Variants in GLS observed in about 807,000 individuals in gnomAD.
GLS encodes the protein glutaminase, also known as glutaminase kidney isoform, mitochondrial.
Under a neutral mutation model 86.7 loss-of-function variants are expected in GLS, and 36 were observed. The ratio of observed to expected loss-of-function variants is 0.42; its 90% CI spans 0.32 to 0.55. The LOEUF is 0.55. Among genes scored for constraint, GLS ranks in the 20% least tolerant of loss-of-function variants. GLS has a pLI of 0.17. For missense variants in GLS, 528 were observed against 833.4 expected, an observed-to-expected ratio of 0.63 and a Z score of 4.51; for synonymous variants, 317 against 305.9, an observed-to-expected ratio of 1.04 and a Z score of -0.38.
chr2:190,901,205 C>T (rs191309474), intron 4 of GLS, among the ~76,000 whole-genome samples: 1 of 152,170 alleles, frequency 6.6e-6, no homozygotes, highest in Admixed American at 6.5e-5. Context: ...TCCCTTAAAA[C>T]TTAACTACTT....
intron 17 of GLS, among the ~76,000 whole-genome samples, chr2:190,959,239 CCTG>C (rs1314026960): frequency 1.4e-5 from 2 of 147,728 alleles, no homozygotes; most frequent in Non-Finnish European, 2.9e-5. Context: ...CATTGCAACC[CCTG>C]CTTTTTTTTT....
chr2:190,933,263 TAAAACTA>T, intron 14 of GLS: 2 of 910,654 alleles, frequency 2.2e-6, no homozygotes, highest in African/African-American at 3.6e-5. Context: ...TTTCCATTTT[TAAAACTA>T]ATGTGATGTC....
In GLS at chr2:190,930,238, T is replaced by C. The variant is rs1029213444; in HGVS notation, c.1426-199T>C. On this transcript the variant is annotated intron_variant, in intron 12 of 17. Transcript: ENST00000320717. The surrounding 1 kb of genome is among the most constrained non-coding windows in gnomAD (Gnocchi z 5.0). The stretch of plus-strand genomic sequence containing the variant: ...TGCACTTCCATGTCTCACTGTTTTT[T>C]GTAGAGACGAGATCTCCCTGTGTTA... Among the ~76,000 whole-genome samples, 1 of 152,000 alleles carries C rather than the reference T, an allele frequency of 6.6e-6. No homozygotes were observed. The highest frequency in any genetic ancestry group is 6.6e-5 in the Admixed American group (1 of 15,250).
intron 13 of GLS, 95 bp from the exon 14 acceptor site, chr2:190,931,450 A>C: frequency 1.8e-6 from 1 of 547,128 alleles, no homozygotes; most frequent in Non-Finnish European, 3.3e-6. Flanking sequence ...GATGATTTCT[A>C]GGCTGGACGA....
intron 1 of GLS, among the ~76,000 whole-genome samples, chr2:190,894,891 T>C (rs1028757670): frequency 5.3e-5 from 8 of 152,236 alleles, no homozygotes; most frequent in Non-Finnish European, 1.2e-4. Context: ...GGCTGGGCAT[T>C]AGCACAACTA....
intron 14 of GLS, among the ~76,000 whole-genome samples, chr2:190,941,993 C>T (rs984212169): frequency 7.0e-6 from 1 of 143,468 alleles, no homozygotes; most frequent in African/African-American, 2.5e-5. Context: ...GTTTGGGAGA[C>T]ATTTCTGAAA....
chr2:190,914,477 A>G lies in GLS; in HGVS notation c.1038+4156A>G, dbSNP rs982675860. Among the ~76,000 whole-genome samples the G allele has an allele frequency of 4.0e-5, 6 of 151,454 alleles. No homozygotes were observed. Among genetic ancestry groups the G allele is most frequent in the Non-Finnish European group, 7.4e-5 (5 of 67,856 alleles). On this transcript the variant is annotated intron_variant, in intron 7 of 17. Coordinates refer to ENST00000320717, the MANE Select transcript of GLS (RefSeq NM_014905.5). This position sits in a 1 kb window ranked among gnomAD's most constrained non-coding sequence, Gnocchi z 4.4. ...GTAGAGCATTTATTGTCAACTGAAAATTGTTCTGTTACTTTATTTTTAGGG... is the reference window on the plus strand; with the variant it reads ...GTAGAGCATTTATTGTCAACTGAAAGTTGTTCTGTTACTTTATTTTTAGGG...
intron 1 of GLS, among the ~76,000 whole-genome samples, chr2:190,884,662 T>A (rs1688314951): frequency 6.6e-6 from 1 of 152,220 alleles, no homozygotes; most frequent in African/African-American, 2.4e-5. Flanking sequence ...TATTAAGTTT[T>A]TTTATTTGGA....
intron 17 of GLS, among the ~76,000 whole-genome samples, chr2:190,959,590 G>T (rs1212528537): frequency 6.6e-6 from 1 of 152,048 alleles, no homozygotes; most frequent in Non-Finnish European, 1.5e-5. Context: ...ACCCAGGGTA[G>T]ACAAGACAAA....
intron 17 of GLS, among the ~76,000 whole-genome samples, chr2:190,961,562 G>A (rs1171432576): frequency 2.0e-5 from 3 of 152,056 alleles, no homozygotes; most frequent in Admixed American, 6.6e-5. Context: ...AAGGTAACAC[G>A]CAGTTGACAT....
In GLS at chr2:190,924,489, C is replaced by T. The variant is rs551603720; in HGVS notation, c.1198-54C>T. ...TTGAAATTTTTCATATATTTCTCTA[C>T]TTATGTGCATTCCTGTGTGCCTGAA... is the stretch of plus-strand genomic sequence containing the variant. On this transcript the variant is annotated intron_variant, in intron 10 of 17. Coordinates refer to ENST00000320717, the MANE Select transcript of GLS (RefSeq NM_014905.5). This position sits in a 1 kb window ranked among gnomAD's most constrained non-coding sequence, Gnocchi z 5.2. The T allele has an allele frequency of 1.1e-5, 10 of 887,416 alleles. No homozygotes were observed. The highest frequency in any genetic ancestry group is 3.4e-5 in the Admixed American group (2 of 57,976). The allele number at this position is 887,416 out of a possible 1,614,324, so 55.0% of individuals were successfully genotyped here.
chr2:190,915,368 T>C (rs774335862), intron 7 of GLS, among the ~76,000 whole-genome samples: 52 of 152,280 alleles, frequency 3.4e-4, no homozygotes, highest in Admixed American at 1.5e-3. Context: ...GGGTTTGTTT[T>C]TTAAAAATCA....
chr2:190,939,034 T>C (rs1289916324), intron 14 of GLS, among the ~76,000 whole-genome samples: 1 of 151,684 alleles, frequency 6.6e-6, no homozygotes, highest in African/African-American at 2.4e-5. Context: ...TTTAAATAAA[T>C]AGAAGACTAG....
rs561368728 is a variant in GLS, at chr2:190,942,274, G to T, written c.1650+10637G>T. 5.1e-4 allele frequency among the ~76,000 whole-genome samples: 77 copies of T among 151,636 alleles called. 1 individual carries two copies. The South Asian group carries it at 0.016, about 31-fold the overall frequency. On this transcript the variant is annotated intron_variant, in intron 14 of 17. Transcript: ENST00000320717. ...TTTTGTATTTTTTAGTAGAGACGGG[G>T]TTTCACCATGTTAGCCAAGATGGTC...
chr2:190,885,942 A>G (rs960271284), intron 1 of GLS, among the ~76,000 whole-genome samples: 9 of 151,420 alleles, frequency 5.9e-5, no homozygotes, highest in Non-Finnish European at 1.0e-4. Context: ...GTGTGATCTC[A>G]GCTCAATGCA....
Position 190,947,165 on chromosome 2 carries a change from A to T in GLS, c.1651-6400A>T, listed in dbSNP as rs1690596546. Among the ~76,000 whole-genome samples the T allele has an allele frequency of 6.6e-6, 1 of 152,206 alleles. No homozygotes were observed. Among genetic ancestry groups the T allele is most frequent in the South Asian group, 2.1e-4 (1 of 4,830 alleles). Reference sequence around the variant, plus strand: ...TTAGGGCATTTACAGAAGTCACACAACTCAACCTTTAAACAAGCTCAAACT... The same window carrying T: ...TTAGGGCATTTACAGAAGTCACACATCTCAACCTTTAAACAAGCTCAAACT... On this transcript the variant is annotated intron_variant, in intron 14 of 17. Transcript: ENST00000320717. This position sits in a 1 kb window ranked among gnomAD's most constrained non-coding sequence, Gnocchi z 5.0.
At position 190,914,605 on chromosome 2, in the gene GLS, A is replaced by G. The variant is rs16833056; in HGVS notation, c.1038+4284A>G. On this transcript the variant is annotated intron_variant, in intron 7 of 17. Coordinates refer to ENST00000320717, the MANE Select transcript of GLS (RefSeq NM_014905.5). The surrounding 1 kb of genome is among the most constrained non-coding windows in gnomAD (Gnocchi z 4.4). ...CTTTAGCTTTAAACCATTTTCTATCATAAGACTAAATTAAGAGTATTTCAC... is the reference window on the plus strand; with the variant it reads ...CTTTAGCTTTAAACCATTTTCTATCGTAAGACTAAATTAAGAGTATTTCAC... 0.015 allele frequency among the ~76,000 whole-genome samples: 2,230 copies of G among 152,044 alleles called. 57 individuals carry two copies. The highest frequency in any genetic ancestry group is 0.049 in the African/African-American group (2,050 of 41,476).
Position 190,895,113 on chromosome 2 carries a change from C to A in GLS, c.387-39C>A. The A allele has an allele frequency of 4.7e-6, 4 of 846,350 alleles. No individual in the cohort carries two copies. The highest frequency in any genetic ancestry group is 1.5e-5 in the South Asian group (1 of 67,870). The allele number at this position is 846,350 out of a possible 1,614,324, so 52.4% of individuals were successfully genotyped here. On this transcript the variant is annotated intron_variant, in intron 1 of 17. Transcript: ENST00000320717. The surrounding 1 kb of genome is among the most constrained non-coding windows in gnomAD (Gnocchi z 4.2). ...TTAGTTAAAAATCCAGTAGAATGTTCATACAAGGATTAATTTTGTGTTCTT... is the reference window on the plus strand; with the variant it reads ...TTAGTTAAAAATCCAGTAGAATGTTAATACAAGGATTAATTTTGTGTTCTT...
At chr2:190,937,846 T>TG (rs1370802588) in intron 14 of GLS, among the ~76,000 whole-genome samples, 43 of 150,066 alleles carry the variant, frequency 2.9e-4, no homozygotes, top group Admixed American at 2.6e-3. Context: ...GTGGGTTTTT[T>TG]TTTTTTTTTT....
Sources: gnomAD v4.1 joint callset for allele counts (sites outside exome capture counted in the v4.1 genomes callset) on GRCh38, gnomAD v4.1.1 for gene constraint, Gnocchi (gnomAD v3.1) non-coding constraint, MANE v1.5 for transcripts, NCBI Gene and HGNC (gene_info 2026-07-23, HGNC 2026-07-21) for gene names.